ROBO1: variants seen among roughly 807,000 people sequenced by gnomAD.
The protein encoded by ROBO1 is roundabout guidance receptor 1.
A neutral mutation model predicts 195.9 loss-of-function variants in ROBO1; 149 were observed. That is an observed-to-expected ratio of 0.76 (90% confidence interval 0.67 to 0.87). The LOEUF (loss-of-function observed/expected upper bound fraction) is 0.87, where lower values mean the gene tolerates loss of function less well. ROBO1 is among the 40% of genes least tolerant of loss of function. The probability of loss-of-function intolerance (pLI) is 0.00; values close to 1 mark genes in which losing one functional copy is unlikely to be tolerated. For synonymous variants in ROBO1, 816 were observed against 733.2 expected (o/e 1.11, Z -1.82); for missense variants, 1,933 against 2,068.3 (o/e 0.93, Z 1.27).
intron 1 of ROBO1, among the ~76,000 whole-genome samples, chr3:79,739,451 T>G (rs1351714854): frequency 6.6e-6 from 1 of 152,182 alleles, no homozygotes. Context: ...GGGTTTGGTT[T>G]AACTCCTTAA....
At chr3:79,648,116 T>C (rs936166289) in intron 1 of ROBO1, among the ~76,000 whole-genome samples, 33 of 152,062 alleles carry the variant, frequency 2.2e-4, no homozygotes. Context: ...AGAACTGAGA[T>C]ACCCATACAT....
chr3:79,429,875 T>G (rs1170096262), intron 2 of ROBO1, among the ~76,000 whole-genome samples: 3 of 152,110 alleles, frequency 2.0e-5, no homozygotes, highest in African/African-American at 7.2e-5. Context: ...GTTCTTATTT[T>G]ATTTTTTCTT....
At chr3:78,603,075 T>C (rs1703270285) in intron 29 of ROBO1, among the ~76,000 whole-genome samples, 1 of 152,184 alleles carries the variant, frequency 6.6e-6, no homozygotes. Context: ...TTATATTTTC[T>C]ACATTTCTTG....
intron 4 of ROBO1, among the ~76,000 whole-genome samples, chr3:78,912,585 C>T (rs1241002889): frequency 1.3e-5 from 2 of 152,130 alleles, no homozygotes; most frequent in Non-Finnish European, 2.9e-5. Flanking sequence ...GTCTCAGCCT[C>T]TGTTTTATTA....
chr3:79,364,353 AATTCT>A (rs2109314048), intron 2 of ROBO1, among the ~76,000 whole-genome samples: 1 of 151,564 alleles, frequency 6.6e-6, no homozygotes, highest in South Asian at 2.1e-4. Flanking sequence ...TATTTATCAT[AATTCT>A]ATTATATATT....
chr3:78,676,328 A>G (rs1234698072), intron 10 of ROBO1, among the ~76,000 whole-genome samples: 1 of 152,238 alleles, frequency 6.6e-6, no homozygotes, highest in African/African-American at 2.4e-5. Flanking sequence ...TGGATGGAGA[A>G]TGACTTTGAC....
chr3:79,366,759 A>G (rs949284153), intron 2 of ROBO1, among the ~76,000 whole-genome samples: 4 of 152,290 alleles, frequency 2.6e-5, no homozygotes, highest in Admixed American at 6.5e-5. Context: ...AATCCTCTCG[A>G]CGTTCACTTC....
chr3:79,270,181 CT>C (rs2108968231), intron 2 of ROBO1, among the ~76,000 whole-genome samples: 1 of 38,546 alleles, frequency 2.6e-5, no homozygotes, highest in South Asian at 1.0e-3. Flanking sequence ...ACATAATGTT[CT>C]CTCTCTCTCT....
chr3:78,936,509 T>G lies in ROBO1; in HGVS notation c.499+2092A>C, dbSNP rs117232947. Among the ~76,000 whole-genome samples the G allele has an allele frequency of 9.2e-5, 14 of 152,138 alleles. No homozygotes were observed. In the East Asian group the frequency reaches 2.7e-3, roughly 29 times the overall value. ...GCTTTGCAACTGTGGAATCAACCAA[T>G]CACAGATGGAAAATAATAGGGGAAA... On this transcript the variant is annotated intron_variant, in intron 4 of 30. Coordinates refer to ENST00000464233, the MANE Select transcript of ROBO1 (RefSeq NM_002941.4).
chr3:79,651,941 C>T (rs1946021683), intron 1 of ROBO1, among the ~76,000 whole-genome samples: 1 of 152,114 alleles, frequency 6.6e-6, no homozygotes, highest in South Asian at 2.1e-4. Context: ...GGTCACAGTA[C>T]AGTTCAACTT....
chr3:79,263,337 A>T (rs2082975070), intron 2 of ROBO1, among the ~76,000 whole-genome samples: 1 of 152,068 alleles, frequency 6.6e-6, no homozygotes, highest in African/African-American at 2.4e-5. Flanking sequence ...CATGCAGTGA[A>T]TCACATTCTT....
intron 4 of ROBO1, among the ~76,000 whole-genome samples, chr3:78,809,257 G>GA (rs1293073310): frequency 6.6e-6 from 1 of 152,082 alleles, no homozygotes; most frequent in Non-Finnish European, 1.5e-5. Context: ...ATCATCACTG[G>GA]TCATTAGAGA....
At chr3:79,290,755 C>T (rs766236090) in intron 2 of ROBO1, among the ~76,000 whole-genome samples, 1 of 152,108 alleles carries the variant, frequency 6.6e-6, no homozygotes, top group African/African-American at 2.4e-5. Context: ...GGTCCACATT[C>T]TTTTTGTTCC....
intron 4 of ROBO1, among the ~76,000 whole-genome samples, chr3:78,828,304 G>A (rs2031822331): frequency 6.6e-6 from 1 of 152,010 alleles, no homozygotes; most frequent in South Asian, 2.1e-4. Flanking sequence ...GTTTTATCTT[G>A]TCTAAAGGCC....
intron 4 of ROBO1, among the ~76,000 whole-genome samples, chr3:78,780,333 G>A (rs970618437): frequency 2.6e-5 from 4 of 152,100 alleles, no homozygotes; most frequent in Non-Finnish European, 5.9e-5. Flanking sequence ...ATTACAATAA[G>A]ACGCAATTTC....
chr3:79,433,587 G>A (rs2038765916), intron 2 of ROBO1, among the ~76,000 whole-genome samples: 1 of 151,984 alleles, frequency 6.6e-6, no homozygotes, highest in Non-Finnish European at 1.5e-5. Flanking sequence ...CCATGTTCAT[G>A]GGTAGGAAGA....
chr3:78,898,393 T>TTG (rs2037379201), intron 4 of ROBO1, among the ~76,000 whole-genome samples: 1 of 137,582 alleles, frequency 7.3e-6, no homozygotes, highest in African/African-American at 2.7e-5. Flanking sequence ...TTTTTTTTTT[T>TTG]TTTTTTTTTT....
At chr3:79,407,145 C>T (rs771228835) in intron 2 of ROBO1, among the ~76,000 whole-genome samples, 12 of 152,088 alleles carry the variant, frequency 7.9e-5, no homozygotes, top group Non-Finnish European at 4.4e-5. Context: ...TCAGACTGGT[C>T]TTGAACTCCT....
At position 79,113,955 on chromosome 3, in the gene ROBO1, G is replaced by A. The variant is rs553519563; in HGVS notation, c.172+11501C>T. On this transcript the variant is annotated intron_variant, in intron 3 of 30. Transcript: ENST00000464233. ...AATTGCAATAATCCGCATGTGTCAAGGGCTGGGCCAGGTGGACATGATTGA... is the reference window on the plus strand; with the variant it reads ...AATTGCAATAATCCGCATGTGTCAAAGGCTGGGCCAGGTGGACATGATTGA... Among the ~76,000 whole-genome samples, 2 of 152,162 alleles carry A rather than the reference G, an allele frequency of 1.3e-5. 1 individual carries two copies. Among genetic ancestry groups the A allele is most frequent in the South Asian group, 4.1e-4 (2 of 4,834 alleles).
Sources: gnomAD v4.1 joint callset for allele counts (sites outside exome capture counted in the v4.1 genomes callset) on GRCh38, gnomAD v4.1.1 for gene constraint, MANE v1.5 for transcripts, NCBI Gene and HGNC (gene_info 2026-07-23, HGNC 2026-07-21) for gene names.